GPR39: variants seen among roughly 807,000 people sequenced by gnomAD.
The protein encoded by GPR39 is G protein-coupled receptor 39.
Under a neutral mutation model 18.4 loss-of-function variants are expected in GPR39, and 23 were observed. The ratio of observed to expected loss-of-function variants is 1.25; its 90% confidence interval spans 0.90 to 1.77. The LOEUF is 1.77. Ranked by LOEUF, GPR39 falls within the 40% of genes most tolerant of loss-of-function variation. The pLI, the probability that GPR39 is intolerant of heterozygous loss-of-function variation, is 0.00. For synonymous variants in GPR39, 280 were observed against 257.9 expected, an observed-to-expected ratio of 1.09 and a Z score of -0.82; for missense variants, 647 against 602.4, an observed-to-expected ratio of 1.07 and a Z score of -0.78.
chr2:132,597,919 GTACCCATGC>G (rs1196982021), intron 1 of GPR39, among the ~76,000 whole-genome samples: 1 of 152,186 alleles, frequency 6.6e-6, no homozygotes, highest in Non-Finnish European at 1.5e-5. Context: ...CCAAAGTCTA[GTACCCATGC>G]ATAGTGATCA....
rs559802992 is a variant in GPR39 at position 132,645,391 on chromosome 2, G to T, written c.1147G>T (p.Asp383Tyr). ...RLRVHAHSTT[D>Y]SARFVQRPLL... ...GCGCGTACATGCGCACTCCACCACCGACAGCGCCCGCTTTGTGCAGCGCCC... is the reference window on the plus strand; with the variant it reads ...GCGCGTACATGCGCACTCCACCACCTACAGCGCCCGCTTTGTGCAGCGCCC... Residue 383 changes from aspartate to tyrosine, a missense_variant, in exon 2 of 2, where the codon GAC becomes TAC. Asp to Tyr is a radical substitution (Grantham distance 160, BLOSUM62 -3). Transcript: ENST00000329321. 16 of 1,613,658 alleles carry T rather than the reference G, an allele frequency of 9.9e-6. No individual in the cohort carries two copies. Among genetic ancestry groups the T allele is most frequent in the African/African-American group, 9.3e-5 (7 of 75,026 alleles).
chr2:132,610,336 T>A (rs1346901505), intron 1 of GPR39, among the ~76,000 whole-genome samples: 2 of 152,100 alleles, frequency 1.3e-5, no homozygotes, highest in Non-Finnish European at 2.9e-5. Flanking sequence ...CATGAAGCAT[T>A]AATTAAGATG....
At chr2:132,632,706 T>C (rs909910053) in intron 1 of GPR39, among the ~76,000 whole-genome samples, 1 of 152,204 alleles carries the variant, frequency 6.6e-6, no homozygotes, top group Non-Finnish European at 1.5e-5. Context: ...GGCCACCTCA[T>C]GGAGCTTATT....
intron 1 of GPR39, among the ~76,000 whole-genome samples, chr2:132,587,138 G>T (rs1180257586): frequency 6.6e-6 from 1 of 152,208 alleles, no homozygotes; most frequent in African/African-American, 2.4e-5. Context: ...GATTAGGACG[G>T]TCCGGGATGA....
Position 132,645,196 on chromosome 2 carries a change from T to G in GPR39, c.952T>G (p.Tyr318Asp). The change falls in exon 2 of 2, where the codon TAC becomes GAC. Residue 318 changes from tyrosine to aspartate, a missense_variant. Coordinates refer to ENST00000329321, the MANE Select transcript of GPR39 (RefSeq NM_001508.3). The stretch of plus-strand genomic sequence containing the variant: ...ACCCAAGCACGACTGGACGAGGTCC[T>G]ACTTCCGGGCGTACATGATCCTCCT... ...AKPKHDWTRS[Y>D]FRAYMILLPF... 6.2e-7 allele frequency: 1 copy of G among 1,614,208 alleles called. No individual in the cohort carries two copies. Among genetic ancestry groups the G allele is most frequent in the Non-Finnish European group, 8.5e-7 (1 of 1,180,036 alleles).
At chr2:132,546,839 CAAA>C (rs60267293) in intron 1 of GPR39, among the ~76,000 whole-genome samples, 46 of 33,964 alleles carry the variant, frequency 1.4e-3, no homozygotes, top group Admixed American at 3.3e-3. Context: ...AGCTCCACAG[CAAA>C]AAAAAAAAAA....
chr2:132,487,675 A>G (rs1422259629), intron 1 of GPR39, among the ~76,000 whole-genome samples: 2 of 152,222 alleles, frequency 1.3e-5, no homozygotes, highest in Admixed American at 6.5e-5. Context: ...TTAACAGCCA[A>G]TTAGACCTAG....
At chr2:132,462,848 T>C (rs1680859014) in intron 1 of GPR39, among the ~76,000 whole-genome samples, 1 of 152,192 alleles carries the variant, frequency 6.6e-6, no homozygotes, top group African/African-American at 2.4e-5. Context: ...ATAATACAGA[T>C]AAAGCATTTA....
intron 1 of GPR39, among the ~76,000 whole-genome samples, chr2:132,453,714 C>T (rs1219910678): frequency 1.3e-5 from 2 of 152,166 alleles, no homozygotes; most frequent in African/African-American, 2.4e-5. Flanking sequence ...TCAGTTTTCC[C>T]AGCACCATTT....
chr2:132,582,921 T>C (rs369068622), intron 1 of GPR39, among the ~76,000 whole-genome samples: 7,550 of 145,462 alleles, frequency 0.052, 243 homozygotes, highest in Admixed American at 0.11. Context: ...CTTTCTTTTT[T>C]TTTTTTTTTT....
intron 1 of GPR39, among the ~76,000 whole-genome samples, chr2:132,532,368 A>G (rs1390917293): frequency 6.6e-6 from 1 of 152,230 alleles, no homozygotes; most frequent in African/African-American, 2.4e-5. Flanking sequence ...TACCAACCCA[A>G]AAAAAGTCCA....
chr2:132,448,159 A>T (rs1464298326), intron 1 of GPR39, among the ~76,000 whole-genome samples: 1 of 152,164 alleles, frequency 6.6e-6, no homozygotes, highest in African/African-American at 2.4e-5. Flanking sequence ...TTTTTATGAG[A>T]GTTCTTTGGG....
At chr2:132,461,852 T>A (rs1048305215) in intron 1 of GPR39, among the ~76,000 whole-genome samples, 1 of 152,152 alleles carries the variant, frequency 6.6e-6, no homozygotes, top group Non-Finnish European at 1.5e-5. Context: ...GCCGAGGGAT[T>A]TGGAATACTC....
chr2:132,638,252 G>A (rs58849452), intron 1 of GPR39, among the ~76,000 whole-genome samples: 5,096 of 152,166 alleles, frequency 0.033, 260 homozygotes, highest in African/African-American at 0.12. Flanking sequence ...TGGAGCTACC[G>A]TCTGCTTTGA....
At chr2:132,516,326 C>T (rs1056570604) in intron 1 of GPR39, among the ~76,000 whole-genome samples, 7 of 152,268 alleles carry the variant, frequency 4.6e-5, no homozygotes, top group Non-Finnish European at 8.8e-5. Flanking sequence ...AGACCCTGCT[C>T]AGACATTGGG....
chr2:132,633,197 A>C lies in GPR39; in HGVS notation c.857-11904A>C, dbSNP rs531609645. Among the ~76,000 whole-genome samples the C allele has an allele frequency of 2.8e-4, 43 of 152,250 alleles. 1 individual carries two copies. In the Middle Eastern group the frequency reaches 0.014, roughly 48 times the overall value. On this transcript the variant is annotated intron_variant, in intron 1 of 1. Coordinates refer to ENST00000329321, the MANE Select transcript of GPR39 (RefSeq NM_001508.3). ...GGACGGGAAGCATGTGAGCACAGGGAGTTGGGGAAAGGCTCAGAGCTCTAG... is the reference window on the plus strand; with the variant it reads ...GGACGGGAAGCATGTGAGCACAGGGCGTTGGGGAAAGGCTCAGAGCTCTAG...
chr2:132,574,439 G>A (rs996492974), intron 1 of GPR39, among the ~76,000 whole-genome samples: 33 of 152,052 alleles, frequency 2.2e-4, no homozygotes, highest in Admixed American at 2.0e-3. Context: ...TATATGTTAA[G>A]TATATTACAG....
At chr2:132,592,443 A>C (rs1680862884) in intron 1 of GPR39, among the ~76,000 whole-genome samples, 1 of 152,128 alleles carries the variant, frequency 6.6e-6, no homozygotes, top group South Asian at 2.1e-4. Flanking sequence ...GTCAGGGAGA[A>C]TGGGGTAGTA....
At chr2:132,599,194 C>T (rs1305987333) in intron 1 of GPR39, among the ~76,000 whole-genome samples, 1 of 152,196 alleles carries the variant, frequency 6.6e-6, no homozygotes. Flanking sequence ...ATATTTTTAA[C>T]AACTTTCCAG....
Sources: gnomAD v4.1 joint callset for allele counts (sites outside exome capture counted in the v4.1 genomes callset) on GRCh38, gnomAD v4.1.1 for gene constraint, MANE v1.5 for transcripts, NCBI Gene and HGNC (gene_info 2026-07-23, HGNC 2026-07-21) for gene names.